Variants in CSNK1G1 observed in about 807,000 individuals in gnomAD.
CSNK1G1 encodes casein kinase I isoform gamma-1.
Under a neutral mutation model 59.6 loss-of-function variants are expected in CSNK1G1, and 22 were observed. The ratio of observed to expected loss-of-function variants is 0.37; its 90% CI spans 0.26 to 0.53. CSNK1G1 has a LOEUF of 0.53. CSNK1G1 is among the 20% of genes least tolerant of loss of function. CSNK1G1 has a pLI of 0.89. For missense variants in CSNK1G1, 384 were observed against 519.5 expected (o/e 0.74, Z 2.54); for synonymous variants, 179 against 177.1 (o/e 1.01, Z -0.08).
chr15:64,264,794 C>T (rs1423257698), intron 2 of CSNK1G1, among the ~76,000 whole-genome samples: 1 of 152,190 alleles, frequency 6.6e-6, no homozygotes, highest in African/African-American at 2.4e-5. Context: ...TCAACAGACA[C>T]AGAAAAGACA....
chr15:64,307,209 C>T lies in CSNK1G1; in HGVS notation c.-224-6486G>A, dbSNP rs531249785. On this transcript the variant is annotated intron_variant, in intron 1 of 11. Coordinates refer to ENST00000303052, the MANE Select transcript of CSNK1G1 (RefSeq NM_022048.5). ...ACAAATGTAGCATAGTAATGCAAGACATTAATAATAGGGGAAAACGGGGGT... is the reference window on the plus strand; with the variant it reads ...ACAAATGTAGCATAGTAATGCAAGATATTAATAATAGGGGAAAACGGGGGT... 3.3e-5 allele frequency among the ~76,000 whole-genome samples: 5 copies of T among 151,700 alleles called. No homozygotes were observed. The East Asian group carries it at 7.8e-4, about 24-fold the overall frequency.
At chr15:64,211,273 A>G (rs2140260067) in intron 6 of CSNK1G1, among the ~76,000 whole-genome samples, 1 of 152,312 alleles carries the variant, frequency 6.6e-6, no homozygotes, top group South Asian at 2.1e-4. Context: ...CATCTCAGTC[A>G]TTTCTTCTTT....
chr15:64,336,109 A>G (rs761267467), intron 1 of CSNK1G1, among the ~76,000 whole-genome samples: 17 of 152,214 alleles, frequency 1.1e-4, no homozygotes, highest in Non-Finnish European at 2.4e-4. Flanking sequence ...ATGGAACTCT[A>G]TGCGACTAGG....
intron 11 of CSNK1G1, among the ~76,000 whole-genome samples, chr15:64,179,112 G>A (rs1247341647): frequency 7.1e-6 from 1 of 140,892 alleles, no homozygotes; most frequent in Non-Finnish European, 1.5e-5. Context: ...TGGGCACAGT[G>A]GTTCATGCCT....
chr15:64,289,774 A>C (rs138973391), intron 2 of CSNK1G1, among the ~76,000 whole-genome samples: 1 of 152,178 alleles, frequency 6.6e-6, no homozygotes, highest in African/African-American at 2.4e-5. Flanking sequence ...ATAACAAAAA[A>C]CCGTATAACC....
intron 4 of CSNK1G1, among the ~76,000 whole-genome samples, chr15:64,221,926 G>C (rs1378322445): frequency 6.6e-6 from 1 of 152,096 alleles, no homozygotes; most frequent in African/African-American, 2.4e-5. Context: ...CCATTACTGA[G>C]TATATACCCA....
chr15:64,260,908 T>C (rs1253492108), intron 2 of CSNK1G1, among the ~76,000 whole-genome samples: 1 of 152,164 alleles, frequency 6.6e-6, no homozygotes, highest in East Asian at 1.9e-4. Flanking sequence ...AGGAATAATT[T>C]TTGTCTGCAA....
At chr15:64,213,125 T>C (rs753935628) in intron 6 of CSNK1G1, among the ~76,000 whole-genome samples, 21 of 152,334 alleles carry the variant, frequency 1.4e-4, no homozygotes, top group Non-Finnish European at 2.2e-4. Flanking sequence ...TTGTCTACTC[T>C]CTAGAATGTT....
chr15:64,176,370 C>T lies in CSNK1G1; in HGVS notation c.1214+3978G>A. 5.0e-6 allele frequency: 2 copies of T among 398,260 alleles called. No homozygotes were observed. Among genetic ancestry groups the T allele is most frequent in the Non-Finnish European group, 4.4e-6 (1 of 226,016 alleles). The allele number at this position is 398,260 out of a possible 1,614,324, so 24.7% of individuals were successfully genotyped here. A position where few individuals can be genotyped will look rare whatever the true frequency, so the allele number is the denominator to read the frequency against. On this transcript the variant is annotated intron_variant, in intron 11 of 11. Transcript: ENST00000303052. The surrounding 1 kb of genome is among the most constrained non-coding windows in gnomAD (Gnocchi z 5.2). Reference sequence around the variant, plus strand: ...GTCCACAGAGGTGAAATGGAAGCGACTCCCTGTGAGCCATGCAAACATGCA... The same window carrying T: ...GTCCACAGAGGTGAAATGGAAGCGATTCCCTGTGAGCCATGCAAACATGCA...
chr15:64,205,766 A>C lies in CSNK1G1; in HGVS notation c.766-817T>G, dbSNP rs571990621. ...TGTGGCTGTATGATGACCAAGTTTGACATGAAACTCTATTTGAAAGCTATA... is the reference window on the plus strand; with the variant it reads ...TGTGGCTGTATGATGACCAAGTTTGCCATGAAACTCTATTTGAAAGCTATA... On this transcript the variant is annotated intron_variant, in intron 7 of 11. Coordinates refer to ENST00000303052, the MANE Select transcript of CSNK1G1 (RefSeq NM_022048.5). Among the ~76,000 whole-genome samples, 9 of 152,346 alleles carry C rather than the reference A, an allele frequency of 5.9e-5. No individual in the cohort carries two copies. The South Asian group carries it at 6.2e-4, about 11-fold the overall frequency.
chr15:64,277,376 G>T (rs1284588716), intron 2 of CSNK1G1, among the ~76,000 whole-genome samples: 3 of 151,620 alleles, frequency 2.0e-5, no homozygotes, highest in African/African-American at 7.3e-5. Flanking sequence ...GAGATGGGAG[G>T]ATCCTTTGAG....
intron 1 of CSNK1G1, among the ~76,000 whole-genome samples, chr15:64,303,858 C>T (rs11071789): frequency 0.81 from 119,632 of 148,064 alleles, 49,346 homozygotes; most frequent in East Asian, 0.95. Flanking sequence ...GGTTCAAGGA[C>T]GCAGTGAGCC....
At chr15:64,260,732 C>T (rs1299742629) in intron 2 of CSNK1G1, among the ~76,000 whole-genome samples, 1 of 152,036 alleles carries the variant, frequency 6.6e-6, no homozygotes, top group Non-Finnish European at 1.5e-5. Context: ...AGTGAGACTC[C>T]ATCTCATAAA....
chr15:64,230,994 A>C (rs2082540356), intron 4 of CSNK1G1, among the ~76,000 whole-genome samples: 1 of 151,574 alleles, frequency 6.6e-6, no homozygotes, highest in Non-Finnish European at 1.5e-5. Context: ...ATAAATAAAT[A>C]ATAAAATAAA....
chr15:64,249,757 C>A (rs528176664), intron 4 of CSNK1G1, among the ~76,000 whole-genome samples: 36 of 152,226 alleles, frequency 2.4e-4, no homozygotes, highest in Admixed American at 2.4e-3. Flanking sequence ...ACAGAGAATG[C>A]TGAAACTTCA....
chr15:64,181,091 A>G, intron 10 of CSNK1G1: 1 of 1,347,004 alleles, frequency 7.4e-7, no homozygotes, highest in Non-Finnish European at 9.8e-7. Flanking sequence ...GGCTTTGAGC[A>G]CTGGTTCGAA....
chr15:64,326,369 C>T (rs890945688), intron 1 of CSNK1G1, among the ~76,000 whole-genome samples: 1 of 152,138 alleles, frequency 6.6e-6, no homozygotes, highest in East Asian at 1.9e-4. Flanking sequence ...TTAGGCCAGG[C>T]ATGGTGCTTC....
rs750533422 is a variant in CSNK1G1, at chr15:64,225,006, CTTTTT to C, written c.293-8298_293-8294del. 8.2e-5 allele frequency among the ~76,000 whole-genome samples: 10 copies of C among 121,848 alleles called. No homozygotes were observed. In the East Asian group the frequency reaches 1.2e-3, roughly 14 times the overall value. 79.9% of individuals were successfully genotyped at this position (121,848 alleles called of 152,430 possible). On this transcript the variant is annotated intron_variant, in intron 4 of 11. Transcript: ENST00000303052. ...TAGATAGAATCCAAAATACACTTTTCTTTTTTTTTTTTTTTTTTTGGAGACAGAGT... is the reference window on the plus strand; with the variant it reads ...TAGATAGAATCCAAAATACACTTTTCTTTTTTTTTTTTTTGGAGACAGAGT...
At chr15:64,354,318 A>T (rs1351696363) in intron 1 of CSNK1G1, among the ~76,000 whole-genome samples, 1 of 152,166 alleles carries the variant, frequency 6.6e-6, no homozygotes, top group Non-Finnish European at 1.5e-5. Flanking sequence ...CAAACAAACA[A>T]ACAAACAAAA....
Sources: gnomAD v4.1 joint callset for allele counts (sites outside exome capture counted in the v4.1 genomes callset) on GRCh38, gnomAD v4.1.1 for gene constraint, Gnocchi (gnomAD v3.1) non-coding constraint, MANE v1.5 for transcripts, NCBI Gene and HGNC (gene_info 2026-07-23, HGNC 2026-07-21) for gene names.